Variants in PPM1H observed in about 807,000 individuals in gnomAD.
PPM1H encodes the protein protein phosphatase 1H.
Under a neutral mutation model 54.9 loss-of-function variants are expected in PPM1H, and 27 were observed. The observed-to-expected ratio is 0.49, with a 90% CI of 0.36 to 0.68. The LOEUF is 0.68. PPM1H is among the 30% of genes least tolerant of loss of function. The pLI, the probability that PPM1H is intolerant of heterozygous loss-of-function variation, is 0.00. For missense variants in PPM1H, 596 were observed against 667.8 expected (o/e 0.89, Z 1.19); for synonymous variants, 305 against 270.8 (o/e 1.13, Z -1.24).
At chr12:62,798,105 T>G (rs2076746567) in intron 3 of PPM1H, among the ~76,000 whole-genome samples, 1 of 151,996 alleles carries the variant, frequency 6.6e-6, no homozygotes, top group Non-Finnish European at 1.5e-5. Flanking sequence ...TTGCCAAGGG[T>G]AAGGACATGC....
At chr12:62,781,478 C>T (rs1056943652) in intron 4 of PPM1H, among the ~76,000 whole-genome samples, 40 of 151,826 alleles carry the variant, frequency 2.6e-4, no homozygotes, top group African/African-American at 9.2e-4. Context: ...GCCCTCAGGC[C>T]AGGAACAGCT....
intron 4 of PPM1H, among the ~76,000 whole-genome samples, chr12:62,764,647 G>A (rs56179707): frequency 0.035 from 5,220 of 151,238 alleles, 99 homozygotes; most frequent in Middle Eastern, 0.048. Context: ...CTCCTACTTC[G>A]TGCCAGGCAC....
chr12:62,796,554 C>T (rs1401277884), intron 3 of PPM1H, among the ~76,000 whole-genome samples: 3 of 152,172 alleles, frequency 2.0e-5, no homozygotes, highest in Admixed American at 6.5e-5. Flanking sequence ...GAGATGCATA[C>T]GGTGTGGAGC....
In PPM1H at chr12:62,802,174, C is replaced by T. The variant is rs1185885838; in HGVS notation, c.412-14G>A. On this transcript the variant is annotated splice_polypyrimidine_tract_variant and intron_variant, in intron 2 of 9. Coordinates refer to ENST00000228705, the MANE Select transcript of PPM1H (RefSeq NM_020700.2). ...ACCCTCGGATTCCTGTGGGAGAGGACGACAGGGAGGAGTGAGAACGGCTGT... is the reference window on the plus strand; with the variant it reads ...ACCCTCGGATTCCTGTGGGAGAGGATGACAGGGAGGAGTGAGAACGGCTGT... 3.2e-6 allele frequency: 5 copies of T among 1,542,446 alleles called. No individual in the cohort carries two copies. The highest frequency in any genetic ancestry group is 2.5e-5 in the South Asian group (2 of 80,048).
chr12:62,921,098 T>C (rs927706584), intron 1 of PPM1H, among the ~76,000 whole-genome samples: 2 of 152,058 alleles, frequency 1.3e-5, no homozygotes, highest in Non-Finnish European at 2.9e-5. Context: ...CTAGTTTTTG[T>C]ATTTTTAGTA....
At chr12:62,648,932 T>G (rs758188095) in intron 9 of PPM1H, among the ~76,000 whole-genome samples, 2 of 152,232 alleles carry the variant, frequency 1.3e-5, no homozygotes, top group Non-Finnish European at 2.9e-5. Context: ...AGTCTCAGTT[T>G]GCTGCTAGTA....
intron 1 of PPM1H, among the ~76,000 whole-genome samples, chr12:62,861,901 T>G (rs1434937113): frequency 6.6e-6 from 1 of 152,220 alleles, no homozygotes; most frequent in Non-Finnish European, 1.5e-5. Context: ...AAGCCAAGAA[T>G]CTGTATTATG....
chr12:62,712,357 A>G (rs1410146560), intron 6 of PPM1H, among the ~76,000 whole-genome samples: 1 of 152,226 alleles, frequency 6.6e-6, no homozygotes, highest in Non-Finnish European at 1.5e-5. Context: ...AATTATGAAA[A>G]TACAAGTTGC....
chr12:62,890,718 ACACAC>A (rs1870760855), intron 1 of PPM1H, among the ~76,000 whole-genome samples: 1 of 12,192 alleles, frequency 8.2e-5, no homozygotes. Flanking sequence ...GTGTGTGTAT[ACACAC>A]ACACACACAC....
At chr12:62,874,478 T>C (rs1039779704) in intron 1 of PPM1H, among the ~76,000 whole-genome samples, 3 of 150,582 alleles carry the variant, frequency 2.0e-5, no homozygotes, top group Admixed American at 6.6e-5. Flanking sequence ...TTCTCCAGCT[T>C]GTTGTGGCAG....
At chr12:62,873,673 T>C (rs1329447625) in intron 1 of PPM1H, among the ~76,000 whole-genome samples, 4 of 152,174 alleles carry the variant, frequency 2.6e-5, no homozygotes. Flanking sequence ...CACTAACCCA[T>C]TCACCTATAT....
chr12:62,674,926 G>A (rs1445032919), intron 8 of PPM1H, among the ~76,000 whole-genome samples: 2 of 152,176 alleles, frequency 1.3e-5, no homozygotes, highest in African/African-American at 4.8e-5. Context: ...TGTGAAATGA[G>A]AGGTTAGGCC....
intron 1 of PPM1H, among the ~76,000 whole-genome samples, chr12:62,908,139 T>G (rs1017708495): frequency 6.6e-6 from 1 of 152,132 alleles, no homozygotes; most frequent in Admixed American, 6.5e-5. Context: ...TGCAGCTGGG[T>G]GCGGTGGCTC....
intron 6 of PPM1H, among the ~76,000 whole-genome samples, chr12:62,708,564 T>C (rs1366757522): frequency 6.6e-6 from 1 of 151,736 alleles, no homozygotes; most frequent in Non-Finnish European, 1.5e-5. Context: ...CTTGGTGGGT[T>C]TGTGAGTACC....
chr12:62,738,757 G>C (rs1212545812), intron 4 of PPM1H, among the ~76,000 whole-genome samples: 2 of 152,094 alleles, frequency 1.3e-5, no homozygotes, highest in Non-Finnish European at 2.9e-5. Context: ...CCACCAACAT[G>C]GGAAATGCCT....
chr12:62,926,827 G>A (rs965276165), intron 1 of PPM1H, among the ~76,000 whole-genome samples: 3 of 152,124 alleles, frequency 2.0e-5, no homozygotes, highest in Non-Finnish European at 4.4e-5. Flanking sequence ...GGTGGCGCAT[G>A]CCTGTAATCC....
At chr12:62,875,420 C>T (rs1055813139) in intron 1 of PPM1H, among the ~76,000 whole-genome samples, 1 of 152,182 alleles carries the variant, frequency 6.6e-6, no homozygotes, top group Non-Finnish European at 1.5e-5. Flanking sequence ...TCGATTCACC[C>T]TTACAGGGTG....
intron 2 of PPM1H, among the ~76,000 whole-genome samples, chr12:62,820,104 G>A (rs2076893666): frequency 6.6e-6 from 1 of 152,146 alleles, no homozygotes; most frequent in South Asian, 2.1e-4. Flanking sequence ...CTTAGCAAAT[G>A]GCACCTGGCT....
At chr12:62,724,616 A>G (rs767678137) in intron 5 of PPM1H, among the ~76,000 whole-genome samples, 7 of 152,314 alleles carry the variant, frequency 4.6e-5, no homozygotes, top group Non-Finnish European at 7.3e-5. Flanking sequence ...AGAGCCTTTC[A>G]TGATTTCCAC....
Sources: gnomAD v4.1 joint callset for allele counts (sites outside exome capture counted in the v4.1 genomes callset) on GRCh38, gnomAD v4.1.1 for gene constraint, MANE v1.5 for transcripts, NCBI Gene and HGNC (gene_info 2026-07-23, HGNC 2026-07-21) for gene names.